Variants in DENND5A observed in about 807,000 individuals in gnomAD.
The protein encoded by DENND5A is DENN domain-containing protein 5A.
A neutral mutation model predicts 140.3 loss-of-function variants in DENND5A; 64 were observed. That is an observed-to-expected ratio of 0.46 (90% confidence interval 0.37 to 0.56). The LOEUF (loss-of-function observed/expected upper bound fraction) is 0.56, where lower values mean the gene tolerates loss of function less well. Among genes scored for constraint, DENND5A ranks in the 20% least tolerant of loss-of-function variants. The pLI is 0.00. For missense variants in DENND5A, 1,292 were observed against 1,593.8 expected, an observed-to-expected ratio of 0.81 and a Z score of 3.22; for synonymous variants, 605 against 607.7, an observed-to-expected ratio of 1.00 and a Z score of 0.07.
intron 8 of DENND5A, chr11:9,171,618 T>C (rs1029477121): frequency 6.7e-6 from 1 of 150,116 alleles, no homozygotes; most frequent in Non-Finnish European, 1.5e-5. Flanking sequence ...CCCAGCACTC[T>C]GGGAGGCCAA....
intron 1 of DENND5A, among the ~76,000 whole-genome samples, chr11:9,238,918 G>A (rs1255239241): frequency 7.5e-5 from 11 of 147,198 alleles, no homozygotes. Flanking sequence ...TGCAATTTCC[G>A]CCTCCTGGGT....
At chr11:9,256,538 T>C (rs966386224) in intron 1 of DENND5A, among the ~76,000 whole-genome samples, 2 of 152,276 alleles carry the variant, frequency 1.3e-5, no homozygotes, top group African/African-American at 4.8e-5. Flanking sequence ...ATTCATACCA[T>C]GGCATATTTT....
chr11:9,189,892 G>A (rs575874127), intron 5 of DENND5A, among the ~76,000 whole-genome samples: 8 of 152,158 alleles, frequency 5.3e-5, no homozygotes, highest in East Asian at 1.9e-4. Context: ...CACCTGCCTC[G>A]GCCTCCCAAA....
rs144782919 is a variant in DENND5A at position 9,154,300 on chromosome 11, G to A, written c.2437-1858C>T. On this transcript the variant is annotated intron_variant, in intron 12 of 22. Transcript: ENST00000328194. ...TTGTAAGAGGTCACACCGTTAGTAA[G>A]CAGAGTGTTGGGATTCAAGCTTAAG... Among the ~76,000 whole-genome samples the A allele has an allele frequency of 6.0e-3, 907 of 152,278 alleles. 12 individuals carry two copies. The highest frequency in any genetic ancestry group is 0.02 in the African/African-American group (851 of 41,550).
At chr11:9,147,933 T>C (rs1316711746) in intron 15 of DENND5A, among the ~76,000 whole-genome samples, 2 of 152,192 alleles carry the variant, frequency 1.3e-5, no homozygotes, top group Admixed American at 6.5e-5. Flanking sequence ...GCAATCACCA[T>C]GGCCAGACGG....
intron 1 of DENND5A, among the ~76,000 whole-genome samples, chr11:9,252,704 G>A (rs1233124314): frequency 6.6e-6 from 1 of 151,964 alleles, no homozygotes; most frequent in African/African-American, 2.4e-5. Context: ...TGAAAGGCAA[G>A]CCTCTTTCTC....
Position 9,144,099 on chromosome 11 carries a change from G to C in DENND5A, c.3302C>G (p.Pro1101Arg), listed in dbSNP as rs1488263355. The C allele has an allele frequency of 1.9e-6, 3 of 1,612,830 alleles. No individual in the cohort carries two copies. In the South Asian group the frequency reaches 3.3e-5, roughly 18 times the overall value. Residue 1101 changes from proline (P) to arginine (R), a missense_variant and splice_region_variant, in exon 19 of 23, where the codon CCC becomes CGC. Pro to Arg is a moderately radical substitution (Grantham distance 103). Transcript: ENST00000328194. ...GCCCAACCCCTCCTCCCACTTACTGGGCTTGTTGTTGGGTGAGATGGTAAC... is the reference window on the plus strand; with the variant it reads ...GCCCAACCCCTCCTCCCACTTACTGCGCTTGTTGTTGGGTGAGATGGTAAC... The part of the protein sequence containing the change: ...RLVTISPNNK[P>R]KLNTGQIQES...
chr11:9,207,558 T>TA lies in DENND5A; in HGVS notation c.181+2dup. 6.2e-7 allele frequency: 1 copy of TA among 1,611,778 alleles called. No individual in the cohort carries two copies. Among genetic ancestry groups the TA allele is most frequent in the Non-Finnish European group, 8.5e-7 (1 of 1,178,156 alleles). ...GGTGTTCTCAATTTTGTTTTGTTTT[T>TA]ACCTTCAGTCGTACTTGAAATGAAA... On this transcript the variant is annotated splice_region_variant and intron_variant, in intron 2 of 22. Coordinates refer to ENST00000328194, the MANE Select transcript of DENND5A (RefSeq NM_015213.4).
chr11:9,204,813 G>A (rs1050309742), intron 3 of DENND5A, among the ~76,000 whole-genome samples: 3 of 152,188 alleles, frequency 2.0e-5, no homozygotes, highest in African/African-American at 7.2e-5. Context: ...AGTGAGCCAA[G>A]ATCATGCACT....
chr11:9,179,144 AT>A, intron 6 of DENND5A, 71 bp from the exon 7 acceptor site: 6 of 1,383,714 alleles, frequency 4.3e-6, no homozygotes, highest in South Asian at 3.7e-5. Context: ...GCAATTCCTG[AT>A]TTTTTTATCT....
At chr11:9,250,649 G>T (rs773885053) in intron 1 of DENND5A, among the ~76,000 whole-genome samples, 1 of 151,808 alleles carries the variant, frequency 6.6e-6, no homozygotes, top group Non-Finnish European at 1.5e-5. Flanking sequence ...TTTCAAGCGG[G>T]GCTAAAAAAA....
chr11:9,223,967 G>A (rs1373947663), intron 1 of DENND5A, among the ~76,000 whole-genome samples: 4 of 151,960 alleles, frequency 2.6e-5, no homozygotes, highest in Non-Finnish European at 2.9e-5. Context: ...CGCAGTGGGC[G>A]GATCACCTGA....
In DENND5A at chr11:9,206,653, T is replaced by C; in HGVS notation, c.291+20A>G. The C allele has an allele frequency of 6.6e-7, 1 of 1,521,778 alleles. No homozygotes were observed. Among genetic ancestry groups the C allele is most frequent in the Non-Finnish European group, 9.1e-7 (1 of 1,096,268 alleles). The allele number at this position is 1,521,778 out of a possible 1,614,324, so 94.3% of individuals were successfully genotyped here. On this transcript the variant is annotated intron_variant, in intron 3 of 22. Coordinates refer to ENST00000328194, the MANE Select transcript of DENND5A (RefSeq NM_015213.4). ...ATTACTCTGTAAATTATCTCATACT[T>C]GTGGCTAACAAATACCAACCATTCC...
At position 9,156,549 on chromosome 11, in the gene DENND5A, C is replaced by T. The variant is rs184880828; in HGVS notation, c.2437-4107G>A. ...GGCTGAGGCAGGGGAACTGCTTGAACCAGGGAGGTGGAGGTTGCAGTGAGC... is the reference window on the plus strand; with the variant it reads ...GGCTGAGGCAGGGGAACTGCTTGAATCAGGGAGGTGGAGGTTGCAGTGAGC... On this transcript the variant is annotated intron_variant, in intron 12 of 22. Coordinates refer to ENST00000328194, the MANE Select transcript of DENND5A (RefSeq NM_015213.4). 5.9e-5 allele frequency among the ~76,000 whole-genome samples: 9 copies of T among 151,894 alleles called. No individual in the cohort carries two copies. In the East Asian group the frequency reaches 1.7e-3, roughly 29 times the overall value.
intron 1 of DENND5A, among the ~76,000 whole-genome samples, chr11:9,256,426 C>T (rs1007813997): frequency 2.0e-5 from 3 of 152,018 alleles, no homozygotes; most frequent in Admixed American, 6.6e-5. Context: ...CGCCATTGCA[C>T]TCCAGCCTGA....
chr11:9,203,851 A>G lies in DENND5A; in HGVS notation c.758T>C (p.Leu253Pro). 6.2e-7 allele frequency: 1 copy of G among 1,614,076 alleles called. No homozygotes were observed. Among genetic ancestry groups the G allele is most frequent in the East Asian group, 2.2e-5 (1 of 44,878 alleles). ...CTTCAAGGACCGGCCAGGAGGTGGG[A>G]GCGGCACCTCGTAGAGTACGTTGTA... Reference protein sequence around the residue: ...YIYNVLYEVPLPPPGRSLKFS... With the variant: ...YIYNVLYEVPPPPPGRSLKFS... Residue 253 changes from leucine to proline, a missense_variant, in exon 4 of 23, where the codon CTC becomes CCC. Coordinates refer to ENST00000328194, the MANE Select transcript of DENND5A (RefSeq NM_015213.4).
chr11:9,143,124 C>T lies in DENND5A; in HGVS notation c.3387+279G>A, dbSNP rs915214963. 9.3e-5 allele frequency: 54 copies of T among 583,150 alleles called. No homozygotes were observed. In the East Asian group the frequency reaches 1.5e-3, roughly 16 times the overall value. The allele number at this position is 583,150 out of a possible 1,614,324, so 36.1% of individuals were successfully genotyped here. A position where few individuals can be genotyped will look rare whatever the true frequency, so the allele number is the denominator to read the frequency against. On this transcript the variant is annotated intron_variant, in intron 20 of 22. Coordinates refer to ENST00000328194, the MANE Select transcript of DENND5A (RefSeq NM_015213.4). ...CAGTGTGGCCACTATTCAAGGAGAC[C>T]CAGGCAAATCTAGAAGAGGACAGGA...
chr11:9,139,832 T>C lies in DENND5A; in HGVS notation c.3703A>G (p.Ile1235Val), dbSNP rs1333774399. ...ATGGGGCAGTCAGCCAGCAGGGCAA[T>C]CCAGTGGTGTAGGAGGTGATCTCTG... Reference protein sequence around the residue: ...GARDHLLHHWIALLADCPITA... With the variant: ...GARDHLLHHWVALLADCPITA... The change falls in exon 23 of 23, where the codon ATT becomes GTT. Residue 1235 changes from isoleucine (I) to valine (V), a missense_variant. Around this residue, in one of 4 missense-constraint regions of DENND5A, gnomAD observed 498 missense variants for 689.7 expected, o/e 0.72. Coordinates refer to ENST00000328194, the MANE Select transcript of DENND5A (RefSeq NM_015213.4). 8 of 1,613,902 alleles carry C rather than the reference T, an allele frequency of 5.0e-6. No homozygotes were observed. Among genetic ancestry groups the C allele is most frequent in the African/African-American group, 1.3e-5 (1 of 74,886 alleles).
intron 5 of DENND5A, among the ~76,000 whole-genome samples, chr11:9,186,759 T>C (rs1484042176): frequency 6.6e-6 from 1 of 152,138 alleles, no homozygotes. Context: ...TTGCAAAAAT[T>C]GGTTGAAGTT....
Sources: gnomAD v4.1 joint callset for allele counts (sites outside exome capture counted in the v4.1 genomes callset) on GRCh38, gnomAD v4.1.1 for gene constraint, gnomAD v4.1.1 regional missense constraint, MANE v1.5 for transcripts, NCBI Gene and HGNC (gene_info 2026-07-23, HGNC 2026-07-21) for gene names.